Variants in GALNTL6 observed in about 807,000 individuals in gnomAD.
GALNTL6 encodes the protein polypeptide N-acetylgalactosaminyltransferase like 6.
In GALNTL6, 46 loss-of-function variants were observed where a neutral mutation model predicts 73.7. That is an observed-to-expected ratio of 0.62 (90% CI 0.49 to 0.80). The LOEUF (loss-of-function observed/expected upper bound fraction) is 0.80. GALNTL6 is among the 30% of genes least tolerant of loss of function. GALNTL6 has a pLI of 0.00. For missense variants in GALNTL6, 604 were observed against 755.0 expected (o/e 0.80, Z 2.34); for synonymous variants, 259 against 263.7 (o/e 0.98, Z 0.17).
intron 2 of GALNTL6, among the ~76,000 whole-genome samples, chr4:171,974,245 T>C (rs1723832182): frequency 6.6e-6 from 1 of 152,206 alleles, no homozygotes; most frequent in East Asian, 1.9e-4. Flanking sequence ...CAAAATATTC[T>C]AGTAGTTTAC....
At chr4:172,107,129 T>C (rs1485763171) in intron 2 of GALNTL6, among the ~76,000 whole-genome samples, 2 of 152,184 alleles carry the variant, frequency 1.3e-5, no homozygotes, top group African/African-American at 4.8e-5. Context: ...CGCCTCGGCC[T>C]CCCAAAGTGC....
intron 5 of GALNTL6, among the ~76,000 whole-genome samples, chr4:172,542,123 A>G (rs925554427): frequency 1.3e-5 from 2 of 151,632 alleles, no homozygotes; most frequent in Non-Finnish European, 1.5e-5. Flanking sequence ...TTATAGAGAA[A>G]GGGATCTCCA....
chr4:172,313,387 TG>T (rs796557263), intron 4 of GALNTL6, among the ~76,000 whole-genome samples: 57 of 152,184 alleles, frequency 3.7e-4, no homozygotes, highest in African/African-American at 1.3e-3. Flanking sequence ...CCTCCCAAAG[TG>T]CTGGGATTAC....
chr4:172,002,831 G>A (rs1049223791), intron 2 of GALNTL6, among the ~76,000 whole-genome samples: 1 of 152,096 alleles, frequency 6.6e-6, no homozygotes. Flanking sequence ...CACAGAACAC[G>A]TGTTATAAGA....
intron 8 of GALNTL6, among the ~76,000 whole-genome samples, chr4:172,911,136 C>G (rs750894168): frequency 6.6e-6 from 1 of 152,186 alleles, no homozygotes; most frequent in Non-Finnish European, 1.5e-5. Context: ...CAAAAGCCCC[C>G]CAGGGTGTTT....
intron 2 of GALNTL6, among the ~76,000 whole-genome samples, chr4:171,847,094 T>C (rs982724412): frequency 5.3e-5 from 8 of 151,790 alleles, no homozygotes; most frequent in Non-Finnish European, 2.9e-5. Flanking sequence ...ATTCAGCATT[T>C]ACAGAAACTT....
At chr4:172,149,890 T>G (rs889107954) in intron 2 of GALNTL6, among the ~76,000 whole-genome samples, 1 of 152,220 alleles carries the variant, frequency 6.6e-6, no homozygotes, top group Non-Finnish European at 1.5e-5. Context: ...TTCCTTAACA[T>G]ACACATACTG....
intron 5 of GALNTL6, among the ~76,000 whole-genome samples, chr4:172,656,961 A>G (rs1413552097): frequency 2.0e-5 from 3 of 152,120 alleles, no homozygotes; most frequent in African/African-American, 7.2e-5. Flanking sequence ...TTATGAGCAC[A>G]GGGTAGGGAA....
chr4:172,467,883 C>A (rs918210996), intron 5 of GALNTL6, among the ~76,000 whole-genome samples: 1 of 97,816 alleles, frequency 1.0e-5, no homozygotes, highest in Admixed American at 1.1e-4. Flanking sequence ...TCCTTCTTTT[C>A]TTTTCTTTCT....
chr4:172,311,784 GT>G (rs771408543), intron 4 of GALNTL6, 32 bp downstream of exon 4: 12 of 1,430,432 alleles, frequency 8.4e-6, no homozygotes, highest in South Asian at 3.2e-5. Flanking sequence ...ATCAGGGTGG[GT>G]TTTTTTGGTT....
At chr4:172,884,639 A>G (rs1212073719) in intron 8 of GALNTL6, among the ~76,000 whole-genome samples, 2 of 151,840 alleles carry the variant, frequency 1.3e-5, no homozygotes, top group South Asian at 2.1e-4. Context: ...AAATTTGTCT[A>G]TTTTTGCTTT....
intron 2 of GALNTL6, among the ~76,000 whole-genome samples, chr4:172,027,247 G>C (rs1741615833): frequency 6.6e-6 from 1 of 152,092 alleles, no homozygotes; most frequent in South Asian, 2.1e-4. Flanking sequence ...ACAAATTGAA[G>C]GTTTGCTGCA....
chr4:172,957,619 C>T (rs953299781), intron 10 of GALNTL6, among the ~76,000 whole-genome samples: 9 of 152,140 alleles, frequency 5.9e-5, no homozygotes, highest in Admixed American at 1.3e-4. Flanking sequence ...GGAAGTAAAG[C>T]GGCTTTGAGA....
At chr4:172,437,047 G>A (rs1181666746) in intron 5 of GALNTL6, among the ~76,000 whole-genome samples, 3 of 151,918 alleles carry the variant, frequency 2.0e-5, no homozygotes, top group African/African-American at 7.3e-5. Flanking sequence ...CACTTGTGAG[G>A]CCACCACACA....
Position 173,004,623 on chromosome 4 carries a change from TCTAA to T in GALNTL6, c.1372-4538_1372-4535del, listed in dbSNP as rs537672248. ...CCTGGGGAACAAGAGTGAAACTCCA[TCTAA>T]CTAACTAACTAACTAAATAAATAAA... On this transcript the variant is annotated intron_variant, in intron 10 of 12. Transcript: ENST00000506823. Among the ~76,000 whole-genome samples, 369 of 152,120 alleles carry T rather than the reference TCTAA, an allele frequency of 2.4e-3. 2 individuals carry two copies. Among genetic ancestry groups the T allele is most frequent in the African/African-American group, 8.4e-3 (349 of 41,502 alleles).
At chr4:171,836,150 T>C (rs1735088657) in intron 2 of GALNTL6, among the ~76,000 whole-genome samples, 1 of 152,082 alleles carries the variant, frequency 6.6e-6, no homozygotes, top group Non-Finnish European at 1.5e-5. Context: ...ACTGAAACAG[T>C]TAATTTGATA....
At chr4:171,950,694 G>A (rs192467330) in intron 2 of GALNTL6, among the ~76,000 whole-genome samples, 95 of 152,074 alleles carry the variant, frequency 6.2e-4, no homozygotes, top group African/African-American at 2.1e-3. Flanking sequence ...CAGCCAGGCT[G>A]GTCTCGATCC....
intron 2 of GALNTL6, among the ~76,000 whole-genome samples, chr4:172,025,528 A>G (rs956527085): frequency 6.6e-6 from 1 of 152,008 alleles, no homozygotes; most frequent in Non-Finnish European, 1.5e-5. Context: ...AATATTTATT[A>G]TACACTATTT....
chr4:171,915,898 C>T (rs28450988), intron 2 of GALNTL6, among the ~76,000 whole-genome samples: 1 of 151,784 alleles, frequency 6.6e-6, no homozygotes, highest in South Asian at 2.1e-4. Context: ...CACCTTAATT[C>T]TCGAAACCCA....
Sources: allele counts gnomAD v4.1 joint callset (sites outside exome capture counted in the v4.1 genomes callset), GRCh38; gene constraint gnomAD v4.1.1; transcripts MANE v1.5; gene names NCBI Gene and HGNC (gene_info 2026-07-23, HGNC 2026-07-21).